ZNF460: variants seen among roughly 807,000 people sequenced by gnomAD.
ZNF460 encodes zinc finger protein 460.
A neutral mutation model predicts 8.4 loss-of-function variants in ZNF460; 1 was observed. The ratio of observed to expected loss-of-function variants is 0.12; its 90% CI spans 0.04 to 0.56. The LOEUF is 0.56. ZNF460 is among the 20% of genes least tolerant of loss of function. The probability of loss-of-function intolerance (pLI) is 0.91; values close to 1 mark genes in which losing one functional copy is unlikely to be tolerated. For synonymous variants in ZNF460, 262 were observed against 259.9 expected, an observed-to-expected ratio of 1.01 and a Z score of -0.08; for missense variants, 477 against 714.8, an observed-to-expected ratio of 0.67 and a Z score of 3.79.
In ZNF460 at chr19:57,280,936, C is replaced by T; in HGVS notation, c.30+100C>T. ...ACAGCCACAGGATTTTTCTTTGTCG[C>T]CATCGTTTATTTAAGAGAAATGGCC... is the stretch of plus-strand genomic sequence containing the variant. On this transcript the variant is annotated intron_variant, in intron 1 of 2. Transcript: ENST00000360338. The T allele has an allele frequency of 5.2e-6, 8 of 1,529,802 alleles. No homozygotes were observed. The South Asian group carries it at 9.4e-5, about 18-fold the overall frequency. The allele number at this position is 1,529,802 out of a possible 1,614,324, so 94.8% of individuals were successfully genotyped here.
At position 57,280,972 on chromosome 19, in the gene ZNF460, A is replaced by G. The variant is rs1452109602; in HGVS notation, c.30+136A>G. 4.6e-6 allele frequency: 6 copies of G among 1,308,396 alleles called. No individual in the cohort carries two copies. In the African/African-American group the frequency reaches 8.8e-5, roughly 19 times the overall value. The allele number at this position is 1,308,396 out of a possible 1,614,324, so 81.0% of individuals were successfully genotyped here. A position where few individuals can be genotyped will look rare whatever the true frequency, so the allele number is the denominator to read the frequency against. ...TTAAGAGAAATGGCCGTGGCTTGTC[A>G]TTTCCTTTATCCGCAGTCCTGCAAC... On this transcript the variant is annotated intron_variant, in intron 1 of 2. Coordinates refer to ENST00000360338, the MANE Select transcript of ZNF460 (RefSeq NM_006635.4).
Position 57,291,281 on chromosome 19 carries a change from A to G in ZNF460, c.740A>G (p.Asn247Ser), listed in dbSNP as rs768088713. 58 of 1,611,090 alleles carry G rather than the reference A, an allele frequency of 3.6e-5. No homozygotes were observed. The Middle Eastern group carries it at 8.3e-4, about 23-fold the overall frequency. ...CTCACACGGCACCAGCGGACTCACA[A>G]TGGAGATAAGCCCTTTGTGTGCAGT... ...SHLTRHQRTH[N>S]GDKPFVCSEC... Residue 247 changes from asparagine (N) to serine (S), a missense_variant, in exon 3 of 3, where the codon AAT becomes AGT. By Grantham distance (46) the Asn-to-Ser change is conservative. Coordinates refer to ENST00000360338, the MANE Select transcript of ZNF460 (RefSeq NM_006635.4). The surrounding 1 kb of genome is among the most constrained non-coding windows in gnomAD (Gnocchi z 8.4).
rs79462743 is a variant in ZNF460 at position 57,286,199 on chromosome 19, G to A, written c.157+1522G>A. On this transcript the variant is annotated intron_variant, in intron 2 of 2. Transcript: ENST00000360338. ...ACCCTGAATTGAGCAAGTCTGTCCC[G>A]CACCATTTTTCCAACAGCATGTGCT... Among the ~76,000 whole-genome samples, 1,251 of 152,232 alleles carry A rather than the reference G, an allele frequency of 8.2e-3. 18 individuals are homozygous for A. Among genetic ancestry groups the A allele is most frequent in the African/African-American group, 0.028 (1,170 of 41,546 alleles).
chr19:57,284,223 A>T (rs963902683), intron 1 of ZNF460, among the ~76,000 whole-genome samples: 11 of 143,156 alleles, frequency 7.7e-5, no homozygotes, highest in Admixed American at 2.0e-4. Context: ...TTTATTTTTT[A>T]TTTATTTATT....
At chr19:57,289,105 C>T (rs1466291909) in intron 2 of ZNF460, among the ~76,000 whole-genome samples, 1 of 151,982 alleles carries the variant, frequency 6.6e-6, no homozygotes, top group Non-Finnish European at 1.5e-5. Context: ...TCAATTTCTT[C>T]ATTCAGTTAG....
intron 1 of ZNF460, among the ~76,000 whole-genome samples, chr19:57,281,407 G>A (rs576548340): frequency 1.3e-5 from 2 of 152,120 alleles, no homozygotes; most frequent in South Asian, 4.1e-4. Context: ...TAATCTGATG[G>A]TATTAAAGAA....
Position 57,291,495 on chromosome 19 carries a change from T to G in ZNF460, c.954T>G (p.Tyr318Ter). 1 of 1,613,876 alleles carries G rather than the reference T, an allele frequency of 6.2e-7. No individual in the cohort carries two copies. Among genetic ancestry groups the G allele is most frequent in the Non-Finnish European group, 8.5e-7 (1 of 1,179,934 alleles). ...GCAGCGAATGTGGAAAAGGCTTTTA[T>G]GAGAGTACAGCCCTCATTCAACACT... The part of the protein sequence containing the change: ...FACSECGKGF[Y>*]ESTALIQHFI... The change falls in exon 3 of 3, where the codon TAT (tyrosine) becomes TAG (stop). Residue 318 changes from tyrosine (Y) to a stop codon, truncating the protein, a stop_gained. Coordinates refer to ENST00000360338, the MANE Select transcript of ZNF460 (RefSeq NM_006635.4). LOFTEE classifies it low-confidence loss of function (END_TRUNC). This position sits in a 1 kb window ranked among gnomAD's most constrained non-coding sequence, Gnocchi z 8.4.
chr19:57,284,816 T>A, intron 2 of ZNF460, 139 bp downstream of exon 2: 1 of 775,740 alleles, frequency 1.3e-6, no homozygotes. Context: ...TTACTCTATT[T>A]TTTTTTTTTT....
At chr19:57,287,851 TGGTGGCA>T (rs2087890202) in intron 2 of ZNF460, among the ~76,000 whole-genome samples, 1 of 152,058 alleles carries the variant, frequency 6.6e-6, no homozygotes, top group Non-Finnish European at 1.5e-5. Flanking sequence ...TAGCTAGGTG[TGGTGGCA>T]GGTGCCTATC....
intron 2 of ZNF460, among the ~76,000 whole-genome samples, chr19:57,290,031 T>G (rs1304545428): frequency 6.6e-6 from 1 of 151,880 alleles, no homozygotes; most frequent in African/African-American, 2.4e-5. Flanking sequence ...TCCCAGCCAC[T>G]TGGGAGGCTG....
In ZNF460 at chr19:57,284,682, G is replaced by A. The variant is rs1290198623; in HGVS notation, c.157+5G>A. On this transcript the variant is annotated splice_donor_5th_base_variant and intron_variant, in intron 2 of 2. Transcript: ENST00000360338. ...GTGGGCTTCTGGTCGCACTGGGTAA[G>A]GCCTGTCCTCTCCTCTCCAAAATCA... The A allele has an allele frequency of 1.3e-6, 2 of 1,595,452 alleles. No individual in the cohort carries two copies. Among genetic ancestry groups the A allele is most frequent in the Non-Finnish European group, 1.7e-6 (2 of 1,172,182 alleles).
rs2087922127 is a variant in ZNF460 at position 57,292,088 on chromosome 19, G to A, written c.1547G>A (p.Ser516Asn). The change falls in exon 3 of 3, where the codon AGC becomes AAC. Residue 516 changes from serine to asparagine, a missense_variant. Ser to Asn is a conservative substitution (Grantham distance 46). Around this residue, in one of 5 missense-constraint regions of ZNF460, gnomAD observed 83 missense variants for 82.3 expected, o/e 1.01. Transcript: ENST00000360338. ...CAGAGTGGGAACGTTTCTTGTGAGA[G>A]CACAGATCTCATTCAACACTCCATC... The part of the protein sequence containing the change: ...PIQSGNVSCE[S>N]TDLIQHSIIH... The A allele has an allele frequency of 2.5e-6, 4 of 1,614,080 alleles. No homozygotes were observed. Among genetic ancestry groups the A allele is most frequent in the South Asian group, 1.1e-5 (1 of 91,086 alleles).
chr19:57,292,293 T>TA lies in ZNF460; in HGVS notation c.*64dup. ...CATCCAAGAATTCCTATTAGCGAAA[T>TA]AGTTTTTTAATATAACCACTGAAGA... On this transcript the variant is annotated 3_prime_UTR_variant, in exon 3 of 3. Transcript: ENST00000360338. 2 of 1,499,686 alleles carry TA rather than the reference T, an allele frequency of 1.3e-6. No individual in the cohort carries two copies. Among genetic ancestry groups the TA allele is most frequent in the Non-Finnish European group, 1.8e-6 (2 of 1,115,412 alleles). The allele number at this position is 1,499,686 out of a possible 1,614,324, so 92.9% of individuals were successfully genotyped here.
At chr19:57,289,289 G>C (rs1049044568) in intron 2 of ZNF460, among the ~76,000 whole-genome samples, 1 of 152,084 alleles carries the variant, frequency 6.6e-6, no homozygotes, top group African/African-American at 2.4e-5. Context: ...ATCACTAGCT[G>C]TCCCTCAGGC....
Position 57,291,712 on chromosome 19 carries a change from C to A in ZNF460, c.1171C>A (p.Pro391Thr). ...TGAAAGAGCCCACACTGGAGAAAAG[C>A]CTTTTGAGTGCAAAGAATGTGGGAA... ...LHERAHTGEKPFECKECGKAF... is the reference protein window; with the variant it reads ...LHERAHTGEKTFECKECGKAF... The change falls in exon 3 of 3, where the codon CCT becomes ACT. Residue 391 changes from proline to threonine, a missense_variant. Pro to Thr is a conservative substitution (Grantham distance 38). Coordinates refer to ENST00000360338, the MANE Select transcript of ZNF460 (RefSeq NM_006635.4). The surrounding 1 kb of genome is among the most constrained non-coding windows in gnomAD (Gnocchi z 8.4). The A allele has an allele frequency of 6.2e-7, 1 of 1,614,104 alleles. No homozygotes were observed. Among genetic ancestry groups the A allele is most frequent in the Non-Finnish European group, 8.5e-7 (1 of 1,179,978 alleles).
chr19:57,280,940 C>G, intron 1 of ZNF460, 104 bp downstream of exon 1: 1 of 1,517,744 alleles, frequency 6.6e-7, no homozygotes, highest in Non-Finnish European at 9.0e-7. Flanking sequence ...TTGTCGCCAT[C>G]GTTTATTTAA....
chr19:57,283,362 G>C (rs2122883847), intron 1 of ZNF460, among the ~76,000 whole-genome samples: 1 of 151,572 alleles, frequency 6.6e-6, no homozygotes, highest in Non-Finnish European at 1.5e-5. Flanking sequence ...TAGAGATGGG[G>C]TTTCACCTTG....
rs545415551 is a variant in ZNF460 at position 57,283,575 on chromosome 19, T to C, written c.31-976T>C. Among the ~76,000 whole-genome samples, 356 of 137,214 alleles carry C rather than the reference T, an allele frequency of 2.6e-3. 2 individuals carry two copies. The highest frequency in any genetic ancestry group is 4.8e-3 in the Admixed American group (61 of 12,798). The allele number at this position is 137,214 out of a possible 152,430, so 90.0% of individuals were successfully genotyped here. A position where few individuals can be genotyped will look rare whatever the true frequency, so the allele number is the denominator to read the frequency against. Reference sequence around the variant, plus strand: ...GGAGTACAGTGACACAGTCTTGGCTTACTGCAACCTCTGCCTCCCAGGTTC... The same window carrying C: ...GGAGTACAGTGACACAGTCTTGGCTCACTGCAACCTCTGCCTCCCAGGTTC... On this transcript the variant is annotated intron_variant, in intron 1 of 2. Coordinates refer to ENST00000360338, the MANE Select transcript of ZNF460 (RefSeq NM_006635.4).
chr19:57,280,886 C>A (rs536548400), intron 1 of ZNF460, 50 bp downstream of exon 1: 4 of 1,611,514 alleles, frequency 2.5e-6, no homozygotes, highest in African/African-American at 2.7e-5. Context: ...TTTCTAGAGG[C>A]CTCGTGGGCA....
Sources: gnomAD v4.1 joint callset for allele counts (sites outside exome capture counted in the v4.1 genomes callset) on GRCh38, gnomAD v4.1.1 for gene constraint, gnomAD v4.1.1 regional missense constraint, Gnocchi (gnomAD v3.1) non-coding constraint, MANE v1.5 for transcripts, NCBI Gene and HGNC (gene_info 2026-07-23, HGNC 2026-07-21) for gene names.